Variants in ARHGEF7 observed in about 807,000 individuals in gnomAD.
ARHGEF7 encodes the protein PAK-interacting exchange factor beta.
Under a neutral mutation model 109.8 loss-of-function variants are expected in ARHGEF7, and 33 were observed. That is an observed-to-expected ratio of 0.30 (90% CI 0.23 to 0.40). ARHGEF7 has a LOEUF of 0.40. Ranked by LOEUF, ARHGEF7 falls within the 10% of genes least tolerant of loss-of-function variation. ARHGEF7 has a pLI of 1.00. For synonymous variants in ARHGEF7, 458 were observed against 424.6 expected, an observed-to-expected ratio of 1.08 and a Z score of -0.97; for missense variants, 938 against 1,098.5, an observed-to-expected ratio of 0.85 and a Z score of 2.07.
At chr13:111,127,526 G>C (rs2067649441) in intron 1 of ARHGEF7, among the ~76,000 whole-genome samples, 1 of 151,490 alleles carries the variant, frequency 6.6e-6, no homozygotes, top group African/African-American at 2.4e-5. Flanking sequence ...ATGTGCCTCT[G>C]GTCCCAGCTA....
At chr13:111,116,107 C>T (rs560032095) in intron 1 of ARHGEF7, among the ~76,000 whole-genome samples, 6 of 152,328 alleles carry the variant, frequency 3.9e-5, no homozygotes, top group African/African-American at 7.2e-5. Flanking sequence ...CAGTTCTTGC[C>T]GGTGGCGTTG....
intron 2 of ARHGEF7, among the ~76,000 whole-genome samples, chr13:111,193,953 G>C (rs1431409813): frequency 6.6e-6 from 1 of 152,190 alleles, no homozygotes; most frequent in Admixed American, 6.5e-5. Flanking sequence ...GTAGTGCCTG[G>C]TATCTGAGTA....
intron 2 of ARHGEF7, among the ~76,000 whole-genome samples, chr13:111,197,682 A>G (rs1310253734): frequency 2.0e-5 from 3 of 152,208 alleles, no homozygotes; most frequent in Non-Finnish European, 4.4e-5. Flanking sequence ...AGCTTCAGGA[A>G]TAGCTTTTGT....
rs113913526 is a variant in ARHGEF7 at position 111,241,022 on chromosome 13, C to T, written c.760-2850C>T. 5.6e-3 allele frequency: 4,897 copies of T among 870,054 alleles called. 172 individuals carry two copies. In the African/African-American group the frequency reaches 0.074, roughly 13 times the overall value. The allele number at this position is 870,054 out of a possible 1,614,324, so 53.9% of individuals were successfully genotyped here. On this transcript the variant is annotated intron_variant, in intron 6 of 21. Coordinates refer to ENST00000646102, the MANE Select transcript of ARHGEF7 (RefSeq NM_001354046.2). The stretch of plus-strand genomic sequence containing the variant: ...GCAACGAATAAAGTGTCTGTGTCTG[C>T]GAGGCACAGCAGTGAGTCCTCTTTG...
At chr13:111,288,242 G>C (rs1049250416) in intron 17 of ARHGEF7, 112 bp from the exon 18 acceptor site, 19 of 510,284 alleles carry the variant, frequency 3.7e-5, no homozygotes, top group African/African-American at 1.9e-5. Flanking sequence ...ATCAAGGGCA[G>C]ATTATCTTAC....
At position 111,277,592 on chromosome 13, in the gene ARHGEF7, G is replaced by A; in HGVS notation, c.1425G>A (p.Lys475=). The A allele has an allele frequency of 6.3e-7, 1 of 1,595,194 alleles. No homozygotes were observed. Among genetic ancestry groups the A allele is most frequent in the Non-Finnish European group, 8.6e-7 (1 of 1,164,168 alleles). Residue 475 remains lysine, a synonymous_variant, in exon 13 of 22, where the codon AAG becomes AAA. Coordinates refer to ENST00000646102, the MANE Select transcript of ARHGEF7 (RefSeq NM_001354046.2). ...GATTTCTTTTTTTGTATTAGGAAAA[G>A]AATGAAAGATATCTTCTACTCTTCC... is the stretch of plus-strand genomic sequence containing the variant. ...VLIQCAGSEE[K]NERYLLLFPN...
At chr13:111,142,996 C>G (rs1461934387) in intron 1 of ARHGEF7, among the ~76,000 whole-genome samples, 1 of 152,230 alleles carries the variant, frequency 6.6e-6, no homozygotes, top group African/African-American at 2.4e-5. Context: ...CCCACTCTTG[C>G]CCCCTGACTT....
intron 1 of ARHGEF7, among the ~76,000 whole-genome samples, chr13:111,123,218 C>T (rs899664214): frequency 6.6e-6 from 1 of 152,216 alleles, no homozygotes; most frequent in Non-Finnish European, 1.5e-5. Flanking sequence ...CTTTTCTGCA[C>T]TCTCTCAGGC....
At chr13:111,299,337 A>ATT (rs936360326) in intron 19 of ARHGEF7, among the ~76,000 whole-genome samples, 2,972 of 105,882 alleles carry the variant, frequency 0.028, 73 homozygotes, top group African/African-American at 0.038. Context: ...GAAGCCATTC[A>ATT]TTTTTTTTTT....
intron 10 of ARHGEF7, among the ~76,000 whole-genome samples, 158 bp from the exon 11 acceptor site, chr13:111,274,573 C>T (rs150082611): frequency 1.5e-4 from 23 of 152,180 alleles, no homozygotes; most frequent in Admixed American, 3.9e-4. Flanking sequence ...CTAATGGCTT[C>T]GTGATTTGCT....
intron 2 of ARHGEF7, among the ~76,000 whole-genome samples, chr13:111,195,549 C>T (rs879520733): frequency 1.3e-5 from 2 of 152,164 alleles, no homozygotes; most frequent in African/African-American, 4.8e-5. Flanking sequence ...TTTCCTGGCC[C>T]TCAATGGTTA....
intron 20 of ARHGEF7, 46 bp from the exon 21 acceptor site, chr13:111,301,432 C>A: frequency 6.4e-7 from 1 of 1,560,152 alleles, no homozygotes; most frequent in Non-Finnish European, 8.8e-7. Flanking sequence ...GTGTCCTCTC[C>A]ATGCCTCACC....
intron 21 of ARHGEF7, 85 bp downstream of exon 21, chr13:111,301,617 G>A: frequency 1.7e-6 from 2 of 1,166,540 alleles, no homozygotes; most frequent in Non-Finnish European, 2.5e-6. Context: ...AGCTGGCTGG[G>A]TACGGTGGCT....
intron 17 of ARHGEF7, among the ~76,000 whole-genome samples, chr13:111,288,143 T>G (rs1409280945): frequency 6.6e-6 from 1 of 152,206 alleles, no homozygotes; most frequent in East Asian, 1.9e-4. Context: ...TTTTTCCAAA[T>G]GTGTTGCAAA....
At chr13:111,136,819 A>G (rs1450880499) in intron 1 of ARHGEF7, among the ~76,000 whole-genome samples, 1 of 152,224 alleles carries the variant, frequency 6.6e-6, no homozygotes, top group Non-Finnish European at 1.5e-5. Flanking sequence ...GGTTTTTTGA[A>G]AAGATCAACA....
At chr13:111,129,285 G>A (rs1473539395) in intron 1 of ARHGEF7, among the ~76,000 whole-genome samples, 1 of 152,158 alleles carries the variant, frequency 6.6e-6, no homozygotes, top group African/African-American at 2.4e-5. Flanking sequence ...GAAAACATTT[G>A]TGACTTTGGA....
At chr13:111,237,814 A>C (rs750551390) in intron 6 of ARHGEF7, among the ~76,000 whole-genome samples, 2 of 152,356 alleles carry the variant, frequency 1.3e-5, no homozygotes, top group Non-Finnish European at 2.9e-5. Context: ...TGGTATTACA[A>C]AGTTGACATA....
intron 18 of ARHGEF7, among the ~76,000 whole-genome samples, chr13:111,289,125 G>C (rs756992718): frequency 5.9e-5 from 9 of 152,028 alleles, no homozygotes; most frequent in South Asian, 2.1e-4. Flanking sequence ...TCTGCCTCCT[G>C]GGTTCAAGTG....
intron 1 of ARHGEF7, among the ~76,000 whole-genome samples, chr13:111,139,319 G>A (rs1054751649): frequency 6.6e-6 from 1 of 152,084 alleles, no homozygotes; most frequent in African/African-American, 2.4e-5. Context: ...TTCCCTCGCC[G>A]GCTCCTTGTC....
Sources: gnomAD v4.1 joint callset for allele counts (sites outside exome capture counted in the v4.1 genomes callset) on GRCh38, gnomAD v4.1.1 for gene constraint, MANE v1.5 for transcripts, NCBI Gene and HGNC (gene_info 2026-07-23, HGNC 2026-07-21) for gene names.